Variants in DPP10 observed in about 807,000 individuals in gnomAD.
The protein encoded by DPP10 is dipeptidyl peptidase like 10, also known as inactive dipeptidyl peptidase 10.
In DPP10, 33 loss-of-function variants were observed where a neutral mutation model predicts 120.9. The ratio of observed to expected loss-of-function variants is 0.27; its 90% confidence interval spans 0.21 to 0.37. DPP10 has a LOEUF of 0.37. DPP10 is among the 10% of genes least tolerant of loss of function. The pLI is 1.00. For missense variants in DPP10, 816 were observed against 942.8 expected (o/e 0.87, Z 1.76); for synonymous variants, 337 against 326.1 (o/e 1.03, Z -0.36).
chr2:115,434,326 G>A (rs1039493765), intron 3 of DPP10, among the ~76,000 whole-genome samples: 1 of 151,896 alleles, frequency 6.6e-6, no homozygotes, highest in Admixed American at 6.6e-5. Context: ...GGTAAATTGT[G>A]TCCTTTTTTT....
intron 5 of DPP10, among the ~76,000 whole-genome samples, chr2:115,663,864 G>A (rs1249871469): frequency 1.1e-4 from 17 of 151,816 alleles, no homozygotes; most frequent in South Asian, 2.1e-4. Context: ...GTGTGGTGGC[G>A]TGCACCTGCA....
intron 3 of DPP10, among the ~76,000 whole-genome samples, chr2:115,351,858 T>C (rs2064056955): frequency 6.6e-6 from 1 of 152,128 alleles, no homozygotes; most frequent in Non-Finnish European, 1.5e-5. Flanking sequence ...AAATTTCATC[T>C]GTATTAAAAC....
chr2:114,685,337 T>C (rs1012310976), intron 1 of DPP10, among the ~76,000 whole-genome samples: 1 of 151,334 alleles, frequency 6.6e-6, no homozygotes, highest in Non-Finnish European at 1.5e-5. Context: ...ATTTTGCCAC[T>C]GACTCTTAGG....
chr2:115,102,010 C>T lies in DPP10; in HGVS notation c.61-207229C>T, dbSNP rs147665814. 3.8e-3 allele frequency among the ~76,000 whole-genome samples: 575 copies of T among 152,304 alleles called. 1 individual carries two copies. The highest frequency in any genetic ancestry group is 0.013 in the African/African-American group (529 of 41,562). ...ACATAGAGTTACATAAAAAAGTAAA[C>T]GTACAGTGGGAAGTATTAGTCTGCT... On this transcript the variant is annotated intron_variant, in intron 1 of 25. Coordinates refer to ENST00000410059, the MANE Select transcript of DPP10 (RefSeq NM_020868.6).
chr2:115,665,229 T>C (rs2089351334), intron 5 of DPP10, among the ~76,000 whole-genome samples: 2 of 152,192 alleles, frequency 1.3e-5, no homozygotes, highest in South Asian at 2.1e-4. Context: ...GCAGTCACAA[T>C]GTTACCGTGT....
chr2:114,590,265 A>G (rs922380713), intron 1 of DPP10, among the ~76,000 whole-genome samples: 2 of 152,182 alleles, frequency 1.3e-5, no homozygotes, highest in Admixed American at 6.5e-5. Flanking sequence ...GATGGTTGCA[A>G]TTGAGGAATG....
chr2:115,034,585 T>G (rs2105263412), intron 1 of DPP10, among the ~76,000 whole-genome samples: 1 of 152,338 alleles, frequency 6.6e-6, no homozygotes, highest in East Asian at 1.9e-4. Flanking sequence ...TTCAGTTATC[T>G]AAGCATAAAA....
intron 1 of DPP10, among the ~76,000 whole-genome samples, chr2:114,747,331 TA>T (rs1401684609): frequency 6.6e-6 from 1 of 152,206 alleles, no homozygotes; most frequent in Non-Finnish European, 1.5e-5. Flanking sequence ...TTATCCTTTG[TA>T]AGTGTGATAA....
chr2:115,486,145 T>C (rs1288646370), intron 3 of DPP10, among the ~76,000 whole-genome samples: 1 of 152,138 alleles, frequency 6.6e-6, no homozygotes, highest in Non-Finnish European at 1.5e-5. Context: ...TATAAAAAAT[T>C]ATTGTCTTTG....
At chr2:114,499,015 G>A (rs1682922039) in intron 1 of DPP10, among the ~76,000 whole-genome samples, 1 of 152,192 alleles carries the variant, frequency 6.6e-6, no homozygotes, top group Non-Finnish European at 1.5e-5. Flanking sequence ...TATAGATCTG[G>A]AGGACAACAT....
intron 3 of DPP10, among the ~76,000 whole-genome samples, chr2:115,490,372 A>G (rs1407340749): frequency 6.6e-6 from 1 of 151,910 alleles, no homozygotes; most frequent in South Asian, 2.1e-4. Flanking sequence ...TATCAGGACA[A>G]CAGCATGGGG....
chr2:115,466,401 GA>G (rs1221700266), intron 3 of DPP10, among the ~76,000 whole-genome samples: 1 of 152,090 alleles, frequency 6.6e-6, no homozygotes, highest in East Asian at 1.9e-4. Flanking sequence ...CCACAAATAG[GA>G]AAGTCCTACA....
intron 1 of DPP10, among the ~76,000 whole-genome samples, chr2:114,539,070 C>G (rs1318277992): frequency 6.6e-6 from 1 of 151,740 alleles, no homozygotes; most frequent in Non-Finnish European, 1.5e-5. Context: ...CTACTCATAA[C>G]CTTTAATTGC....
intron 1 of DPP10, among the ~76,000 whole-genome samples, chr2:114,959,385 A>G (rs552737658): frequency 3.0e-4 from 45 of 152,224 alleles, no homozygotes; most frequent in African/African-American, 1.1e-3. Context: ...AGGTTCATCC[A>G]TGTAGCATGT....
At chr2:115,378,830 T>C (rs10048786) in intron 3 of DPP10, among the ~76,000 whole-genome samples, 258 of 152,286 alleles carry the variant, frequency 1.7e-3, no homozygotes, top group African/African-American at 5.9e-3. Flanking sequence ...TTGTCTTTGG[T>C]TCTGTTTATA....
At chr2:115,600,084 T>A (rs2083231846) in intron 5 of DPP10, among the ~76,000 whole-genome samples, 1 of 152,066 alleles carries the variant, frequency 6.6e-6, no homozygotes, top group African/African-American at 2.4e-5. Context: ...TTTGTTTTTT[T>A]GATGAGAAGT....
chr2:114,801,273 A>AAG (rs1553430758), intron 1 of DPP10, among the ~76,000 whole-genome samples: 1 of 77,810 alleles, frequency 1.3e-5, no homozygotes, highest in African/African-American at 3.7e-5. Context: ...AAAAAAAAAA[A>AAG]AAAAAAGAAA....
chr2:115,396,684 T>C (rs931700898), intron 3 of DPP10, among the ~76,000 whole-genome samples: 1 of 152,206 alleles, frequency 6.6e-6, no homozygotes, highest in Admixed American at 6.5e-5. Context: ...TGTCCTGACA[T>C]ATGTCCTAAA....
At chr2:114,511,026 G>A (rs549170550) in intron 1 of DPP10, among the ~76,000 whole-genome samples, 40 of 152,158 alleles carry the variant, frequency 2.6e-4, no homozygotes, top group African/African-American at 4.1e-4. Context: ...GGGTATCCCC[G>A]GATCCTAAGG....
Sources: gnomAD v4.1 joint callset for allele counts (sites outside exome capture counted in the v4.1 genomes callset) on GRCh38, gnomAD v4.1.1 for gene constraint, MANE v1.5 for transcripts, NCBI Gene and HGNC (gene_info 2026-07-23, HGNC 2026-07-21) for gene names.